The following PCLO variants were observed in gnomAD, a reference collection of about 807,000 sequenced individuals.
PCLO encodes the protein protein piccolo.
PCLO carries 82 observed loss-of-function variants against 427.5 expected under a neutral mutation model. The observed-to-expected ratio is 0.19, with a 90% CI of 0.16 to 0.23. The LOEUF (loss-of-function observed/expected upper bound fraction) is 0.23, where lower values mean the gene tolerates loss of function less well. Ranked by LOEUF, PCLO falls within the 10% of genes least tolerant of loss-of-function variation. The pLI is 1.00. For synonymous variants in PCLO, 2,357 were observed against 2,155.4 expected, an observed-to-expected ratio of 1.09 and a Z score of -2.59; for missense variants, 6,239 against 6,115.9, an observed-to-expected ratio of 1.02 and a Z score of -0.67.
chr7:82,973,330 T>G (rs1795946900), intron 3 of PCLO, among the ~76,000 whole-genome samples: 1 of 152,164 alleles, frequency 6.6e-6, no homozygotes. Context: ...TTAAAACCAC[T>G]GACACCAGAA....
At chr7:83,161,320 T>C (rs1305681938) in intron 1 of PCLO, among the ~76,000 whole-genome samples, 6 of 152,104 alleles carry the variant, frequency 3.9e-5, no homozygotes, top group Admixed American at 6.5e-5. Context: ...AAATGAAAAA[T>C]TGTAGGTTTG....
chr7:82,962,627 A>T (rs1795678760), intron 4 of PCLO, among the ~76,000 whole-genome samples: 1 of 152,024 alleles, frequency 6.6e-6, no homozygotes, highest in African/African-American at 2.4e-5. Context: ...GGAAAAATGT[A>T]CCAATGAAGA....
At chr7:83,006,615 C>A (rs1347096122) in intron 3 of PCLO, among the ~76,000 whole-genome samples, 1 of 151,392 alleles carries the variant, frequency 6.6e-6, no homozygotes, top group Non-Finnish European at 1.5e-5. Context: ...TTTTATTCAA[C>A]ATGCTGAGTA....
chr7:82,880,873 C>A (rs995202727), intron 9 of PCLO, among the ~76,000 whole-genome samples: 1 of 152,102 alleles, frequency 6.6e-6, no homozygotes, highest in Non-Finnish European at 1.5e-5. Flanking sequence ...CAAGAAAATC[C>A]TTTGGCAGAA....
intron 2 of PCLO, among the ~76,000 whole-genome samples, chr7:83,137,925 T>C (rs1791768565): frequency 6.6e-6 from 1 of 152,070 alleles, no homozygotes; most frequent in Non-Finnish European, 1.5e-5. Context: ...CAGGCAAAAA[T>C]GTAAGAAAAT....
At chr7:83,115,951 A>G (rs1791120419) in intron 3 of PCLO, among the ~76,000 whole-genome samples, 1 of 151,904 alleles carries the variant, frequency 6.6e-6, no homozygotes, top group African/African-American at 2.4e-5. Flanking sequence ...ACAAGCACAC[A>G]TATATAATAC....
chr7:82,964,098 G>A (rs2115643135), intron 4 of PCLO, among the ~76,000 whole-genome samples: 1 of 152,170 alleles, frequency 6.6e-6, no homozygotes, highest in Admixed American at 6.5e-5. Flanking sequence ...AGGGAGAAAA[G>A]GAAGGCATTC....
In PCLO at chr7:82,822,627, C is replaced by G. The variant is rs1407557819; in HGVS notation, c.14659G>C (p.Glu4887Gln). Reference protein sequence around the residue: ...SSPGSSKSSSEGHLRSHGPSR... With the variant: ...SSPGSSKSSSQGHLRSHGPSR... ...GGTCCATGAGAACGGAGATGGCCTT[C>G]TGATGATGATTTTGAGCTACCAGGA... Residue 4887 changes from glutamate to glutamine, a missense_variant, in exon 20 of 25, where the codon GAA becomes CAA. By Grantham distance (29) the Glu-to-Gln change is conservative. This residue lies in a region of PCLO where 877 missense variants were observed against 925.5 expected (regional missense o/e 0.95). Transcript: ENST00000333891. 1.2e-6 allele frequency: 2 copies of G among 1,613,650 alleles called. No individual in the cohort carries two copies. The highest frequency in any genetic ancestry group is 1.7e-5 in the Admixed American group (1 of 59,980).
chr7:83,019,355 A>G (rs1562922189), intron 3 of PCLO, among the ~76,000 whole-genome samples: 2 of 151,924 alleles, frequency 1.3e-5, no homozygotes, highest in Non-Finnish European at 2.9e-5. Flanking sequence ...TATCTAGGCA[A>G]AAAGTATGTA....
rs774690930 is a variant in PCLO, at chr7:82,950,992, C to T, written c.9596G>A (p.Ser3199Asn). Reference sequence around the variant, plus strand: ...TTCTTCAGGGACAATTAAAAGAGCACTTTCATCTCCCACCACTTCAGGAAA... The same window carrying T: ...TTCTTCAGGGACAATTAAAAGAGCATTTTCATCTCCCACCACTTCAGGAAA... Reference protein sequence around the residue: ...EVFPEVVGDESALLIVPEEDK... With the variant: ...EVFPEVVGDENALLIVPEEDK... The change falls in exon 6 of 25, where the codon AGT becomes AAT. Residue 3199 changes from serine to asparagine, a missense_variant. Around this residue, in one of 5 missense-constraint regions of PCLO, gnomAD observed 4,677 missense variants for 4,468.4 expected, o/e 1.05. Transcript: ENST00000333891. 13 of 1,613,684 alleles carry T rather than the reference C, an allele frequency of 8.1e-6. No individual in the cohort carries two copies. Among genetic ancestry groups the T allele is most frequent in the East Asian group, 2.2e-5 (1 of 44,870 alleles).
intron 9 of PCLO, among the ~76,000 whole-genome samples, chr7:82,888,411 A>C (rs2116100594): frequency 6.6e-6 from 1 of 152,300 alleles, no homozygotes; most frequent in South Asian, 2.1e-4. Context: ...CTTAGCCATA[A>C]CTTATCCAAA....
intron 22 of PCLO, among the ~76,000 whole-genome samples, chr7:82,797,047 T>C (rs910134885): frequency 1.3e-5 from 2 of 152,028 alleles, no homozygotes; most frequent in African/African-American, 2.4e-5. Context: ...TATACTCTAA[T>C]TGAGGATCTT....
intron 3 of PCLO, among the ~76,000 whole-genome samples, chr7:83,069,052 T>C (rs1201810064): frequency 6.6e-6 from 1 of 152,060 alleles, no homozygotes; most frequent in African/African-American, 2.4e-5. Context: ...TTACCACGGG[T>C]TAGGGGGTGT....
intron 3 of PCLO, among the ~76,000 whole-genome samples, chr7:82,968,125 A>G (rs1030048056): frequency 6.6e-6 from 1 of 152,258 alleles, no homozygotes; most frequent in African/African-American, 2.4e-5. Flanking sequence ...GTAAGCCATT[A>G]TAATTCTTAT....
In PCLO at chr7:82,897,758, T is replaced by C. The variant is rs1793941541; in HGVS notation, c.13528+4893A>G. On this transcript the variant is annotated intron_variant, in intron 9 of 24. Transcript: ENST00000333891. ...CACTGTGAGTTACAGAAACAGTTTA[T>C]TTTATGCTGTACACATTTTTTTAAT... Among the ~76,000 whole-genome samples the C allele has an allele frequency of 2.0e-5, 3 of 151,454 alleles. No homozygotes were observed. In the South Asian group the frequency reaches 6.2e-4, roughly 31 times the overall value.
rs765484551 is a variant in PCLO, at chr7:82,954,555, G to T, written c.6398C>A (p.Thr2133Asn). The T allele has an allele frequency of 2.1e-5, 34 of 1,613,840 alleles. No homozygotes were observed. The highest frequency in any genetic ancestry group is 2.8e-5 in the Non-Finnish European group (33 of 1,179,778). The change falls in exon 5 of 25, where the codon ACC (threonine) becomes AAC (asparagine). Residue 2133 changes from threonine (T) to asparagine (N), a missense_variant. By Grantham distance (65) the Thr-to-Asn change is moderately conservative. This residue lies in a region of PCLO where 4,677 missense variants were observed against 4,468.4 expected (regional missense o/e 1.05). Transcript: ENST00000333891. ...AATTTCTTCTGTTGAAAAATGTTGG[G>T]TTATTTTAACATCTGGGATAGAGAG... is the stretch of plus-strand genomic sequence containing the variant. ...ATLSIPDVKI[T>N]QHFSTEEIED... is the part of the protein sequence containing the mutation.
intron 3 of PCLO, among the ~76,000 whole-genome samples, chr7:82,979,848 TA>T (rs1796108164): frequency 6.6e-6 from 1 of 152,170 alleles, no homozygotes; most frequent in South Asian, 2.1e-4. Flanking sequence ...ACATTACCAT[TA>T]GTAATTCTAA....
At chr7:82,903,592 C>T (rs769413466) in intron 8 of PCLO, among the ~76,000 whole-genome samples, 30 of 151,718 alleles carry the variant, frequency 2.0e-4, no homozygotes, top group African/African-American at 6.8e-4. Flanking sequence ...TGGAACTTTG[C>T]TTTCAAAAGA....
rs777481570 is a variant in PCLO at position 82,915,393 on chromosome 7, G to C, written c.12593C>G (p.Pro4198Arg). 1 of 1,613,506 alleles carries C rather than the reference G, an allele frequency of 6.2e-7. No homozygotes were observed. The highest frequency in any genetic ancestry group is 1.1e-5 in the South Asian group (1 of 91,076). Residue 4198 changes from proline (P) to arginine (R), a missense_variant, in exon 7 of 25, where the codon CCT becomes CGT. This residue lies in a region of PCLO where 680 missense variants were observed against 677.3 expected (regional missense o/e 1.00). Coordinates refer to ENST00000333891, the MANE Select transcript of PCLO (RefSeq NM_033026.6). ...AATAGGTGAAAATTTTGACATTTTA[G>C]GGTCAATTAGTGATTTCTTATGCTT... ...QSKHKKSLID[P>R]KMSKFSPIQE...
Sources: allele counts gnomAD v4.1 joint callset (sites outside exome capture counted in the v4.1 genomes callset), GRCh38; gene constraint gnomAD v4.1.1; regional missense constraint gnomAD v4.1.1; transcripts MANE v1.5; gene names NCBI Gene and HGNC (gene_info 2026-07-23, HGNC 2026-07-21).